SCEL: variants seen among roughly 807,000 people sequenced by gnomAD.
The protein encoded by SCEL is sciellin.
Under a neutral mutation model 117.6 loss-of-function variants are expected in SCEL, and 113 were observed. That is an observed-to-expected ratio of 0.96 (90% confidence interval 0.83 to 1.12). SCEL has a LOEUF of 1.12. SCEL is among the 50% of genes most tolerant of loss of function. SCEL has a pLI of 0.00. For missense variants in SCEL, 785 were observed against 810.8 expected (o/e 0.97, Z 0.39); for synonymous variants, 270 against 256.2 (o/e 1.05, Z -0.51).
chr13:77,592,536 C>A (rs1377606173), intron 11 of SCEL, among the ~76,000 whole-genome samples: 2 of 149,296 alleles, frequency 1.3e-5, no homozygotes, highest in South Asian at 4.3e-4. Context: ...ATACTGAGTT[C>A]TTTTCTTTTC....
rs767435027 is a variant in SCEL at position 77,593,481 on chromosome 13, C to A, written c.693-33C>A. On this transcript the variant is annotated intron_variant, in intron 11 of 32. Coordinates refer to ENST00000349847, the MANE Select transcript of SCEL (RefSeq NM_144777.3). ...GCTCCTTCAAAAATAGCTCGACTAT[C>A]ATTGACCTGTATTTATTTTTCATTG... 1.5e-5 allele frequency: 23 copies of A among 1,545,018 alleles called. No homozygotes were observed. In the East Asian group the frequency reaches 5.0e-4, roughly 33 times the overall value.
intron 1 of SCEL, among the ~76,000 whole-genome samples, chr13:77,552,348 C>T (rs1479387613): frequency 1.3e-5 from 2 of 151,952 alleles, no homozygotes; most frequent in Non-Finnish European, 2.9e-5. Context: ...ACATCCTCTC[C>T]AGGACCTGTT....
At chr13:77,613,315 A>G (rs1239313380) in intron 23 of SCEL, among the ~76,000 whole-genome samples, 1 of 152,198 alleles carries the variant, frequency 6.6e-6, no homozygotes, top group East Asian at 1.9e-4. Context: ...TAATATTTAA[A>G]TGACTTGTGA....
At chr13:77,553,818 C>T (rs1243892258) in intron 1 of SCEL, among the ~76,000 whole-genome samples, 3 of 151,934 alleles carry the variant, frequency 2.0e-5, no homozygotes, top group East Asian at 3.9e-4. Context: ...ATATTTGAAC[C>T]TCATAATGTT....
chr13:77,579,254 T>A (rs1354331823), intron 9 of SCEL, among the ~76,000 whole-genome samples: 2 of 152,244 alleles, frequency 1.3e-5, no homozygotes, highest in Admixed American at 1.3e-4. Context: ...GTGCATTACT[T>A]TGACACATCA....
At chr13:77,538,423 A>G (rs976779063) in intron 1 of SCEL, among the ~76,000 whole-genome samples, 1 of 152,146 alleles carries the variant, frequency 6.6e-6, no homozygotes, top group South Asian at 2.1e-4. Context: ...GCCTTAATCA[A>G]AAGTCTTTAT....
intron 3 of SCEL, among the ~76,000 whole-genome samples, chr13:77,556,916 A>G (rs1362770436): frequency 2.0e-5 from 3 of 152,226 alleles, no homozygotes; most frequent in South Asian, 2.1e-4. Context: ...AAATATCCAC[A>G]TGCATAAGAG....
chr13:77,556,404 G>T (rs1023937779), intron 2 of SCEL, among the ~76,000 whole-genome samples, 192 bp from the exon 3 acceptor site: 1 of 152,186 alleles, frequency 6.6e-6, no homozygotes, highest in Non-Finnish European at 1.5e-5. Context: ...GCAACTTTAT[G>T]TGTTATCTTT....
In SCEL at chr13:77,559,802, A is replaced by G. The variant is rs1443401432; in HGVS notation, c.162-2A>G. 1.2e-6 allele frequency: 2 copies of G among 1,613,352 alleles called. No individual in the cohort carries two copies. Among genetic ancestry groups the G allele is most frequent in the South Asian group, 1.1e-5 (1 of 90,956 alleles). ...TGACATACTTTTGTTCTTTCTTTGC[A>G]GAGATGAAAATTACGGTAGGGTGGT... On this transcript the variant is annotated splice_acceptor_variant, in intron 3 of 32. Transcript: ENST00000349847. LOFTEE classifies it high-confidence loss of function.
intron 28 of SCEL, among the ~76,000 whole-genome samples, chr13:77,631,214 CTG>C (rs934316391): frequency 1.3e-5 from 2 of 152,174 alleles, no homozygotes; most frequent in East Asian, 1.9e-4. Context: ...GCACTATGGG[CTG>C]TTTTGTTGGT....
chr13:77,611,035 A>G (rs923583710), intron 22 of SCEL, among the ~76,000 whole-genome samples: 3 of 152,160 alleles, frequency 2.0e-5, no homozygotes, highest in Admixed American at 6.6e-5. Context: ...CAGATTTCCT[A>G]TCTTATTTTG....
chr13:77,597,896 T>C (rs2154400995), intron 13 of SCEL, among the ~76,000 whole-genome samples: 1 of 152,164 alleles, frequency 6.6e-6, no homozygotes. Context: ...GAATTTGGTT[T>C]GATCATGGAA....
In SCEL at chr13:77,642,776, T is replaced by C; in HGVS notation, c.2018T>C (p.Ile673Thr). The change falls in exon 32 of 33, where the codon ATA becomes ACA. Residue 673 changes from isoleucine (I) to threonine (T), a missense_variant. By Grantham distance (89) the Ile-to-Thr change is moderately conservative. Transcript: ENST00000349847. ...AGTATTTGGATTTATAGACAGACAA[T>C]ACACTGTGAACCTTGCTACTCTAAA... ...GDSIWIYRQT[I>T]HCEPCYSKIM... 6.2e-7 allele frequency: 1 copy of C among 1,605,342 alleles called. No homozygotes were observed. Among genetic ancestry groups the C allele is most frequent in the Non-Finnish European group, 8.5e-7 (1 of 1,175,150 alleles).
intron 30 of SCEL, among the ~76,000 whole-genome samples, chr13:77,638,630 C>T (rs557344475): frequency 6.6e-6 from 1 of 152,290 alleles, no homozygotes; most frequent in East Asian, 1.9e-4. Flanking sequence ...GTTATACAAC[C>T]TTTTGCTGTT....
intron 30 of SCEL, among the ~76,000 whole-genome samples, chr13:77,637,503 A>C (rs1439469722): frequency 6.6e-6 from 1 of 151,436 alleles, no homozygotes; most frequent in African/African-American, 2.4e-5. Context: ...GGGCAGACCA[A>C]AGTGCAACTC....
At position 77,616,019 on chromosome 13, in the gene SCEL, T is replaced by A. The variant is rs970069679; in HGVS notation, c.1452-1580T>A. ...TTATGTCTCTCTGTGTGTGTGTGTG[T>A]GTGTGTGTGTGTGTGTGTGTGTGTG... is the stretch of plus-strand genomic sequence containing the variant. On this transcript the variant is annotated intron_variant, in intron 24 of 32. Coordinates refer to ENST00000349847, the MANE Select transcript of SCEL (RefSeq NM_144777.3). Among the ~76,000 whole-genome samples, 7 of 150,650 alleles carry A rather than the reference T, an allele frequency of 4.6e-5. No individual in the cohort carries two copies. The East Asian group carries it at 5.8e-4, about 13-fold the overall frequency.
intron 9 of SCEL, among the ~76,000 whole-genome samples, chr13:77,576,509 G>A (rs952561001): frequency 5.3e-5 from 8 of 152,052 alleles, no homozygotes; most frequent in Admixed American, 2.6e-4. Flanking sequence ...GGGTTTCACC[G>A]GCCATTTGTG....
intron 1 of SCEL, among the ~76,000 whole-genome samples, chr13:77,541,017 A>G (rs1291832485): frequency 6.6e-6 from 1 of 152,250 alleles, no homozygotes; most frequent in African/African-American, 2.4e-5. Context: ...AAGGTCAGAA[A>G]GAAGATTGAT....
intron 6 of SCEL, 56 bp downstream of exon 6, chr13:77,567,804 T>C (rs903683261): frequency 1.8e-6 from 2 of 1,098,516 alleles, no homozygotes; most frequent in Non-Finnish European, 2.7e-6. Flanking sequence ...TTCTAAGTGT[T>C]ACCTATGTAC....
Sources: gnomAD v4.1 joint callset for allele counts (sites outside exome capture counted in the v4.1 genomes callset) on GRCh38, gnomAD v4.1.1 for gene constraint, MANE v1.5 for transcripts, NCBI Gene and HGNC (gene_info 2026-07-23, HGNC 2026-07-21) for gene names.